Variants in CIMIP2C observed in about 807,000 individuals in gnomAD.
CIMIP2C encodes the protein ciliary microtubule inner protein 2C.
At chr2:26,575,915 G>A in the CIMIP2C span, 34 of 1,610,534 alleles carry the variant, frequency 2.1e-5, 1 homozygote, top group Middle Eastern at 3.3e-4. Context: ...CCAGGGCCAC[G>A]TCCCCACTGT....
the CIMIP2C span, chr2:26,578,501 G>C: frequency 4.0e-6 from 1 of 250,518 alleles, no homozygotes; most frequent in East Asian, 1.0e-4. Context: ...TTACAAAAAA[G>C]GGAACGTGAG....
At chr2:26,574,599 C>T in the CIMIP2C span, among the ~76,000 whole-genome samples, 361 of 152,348 alleles carry the variant, frequency 2.4e-3, no homozygotes, top group African/African-American at 8.4e-3. Flanking sequence ...GGACTGGGTT[C>T]ATCTGCACAC....
the CIMIP2C span, among the ~76,000 whole-genome samples, chr2:26,566,735 T>G: frequency 1.3e-5 from 2 of 152,208 alleles, no homozygotes; most frequent in Admixed American, 1.3e-4. Flanking sequence ...TTTTCTTTCC[T>G]TTGAGACAGA....
chr2:26,577,964 G>A, the CIMIP2C span: 5 of 319,648 alleles, frequency 1.6e-5, no homozygotes. Context: ...TAGTCCTAAC[G>A]TGGGCGCCGA....
chr2:26,565,275 C>T, the CIMIP2C span, among the ~76,000 whole-genome samples: 1 of 152,162 alleles, frequency 6.6e-6, no homozygotes, highest in South Asian at 2.1e-4. Flanking sequence ...ATTTTTAGTA[C>T]AGGCGGGGTT....
chr2:26,577,915 A>G, the CIMIP2C span: 342 of 417,338 alleles, frequency 8.2e-4, 1 homozygote, highest in African/African-American at 6.3e-3. Context: ...GAATCTGCGG[A>G]CTGATGCCCC....
the CIMIP2C span, among the ~76,000 whole-genome samples, chr2:26,570,313 A>G: frequency 8.5e-5 from 13 of 152,344 alleles, no homozygotes; most frequent in East Asian, 9.6e-4. Flanking sequence ...GGGATGCTTC[A>G]TGCCAGCATG....
the CIMIP2C span, among the ~76,000 whole-genome samples, chr2:26,574,314 G>C: frequency 1.3e-5 from 2 of 152,206 alleles, no homozygotes; most frequent in Admixed American, 1.3e-4. Flanking sequence ...GAACAGTGAG[G>C]TTGTTATGAC....
At chr2:26,562,800 A>G in the CIMIP2C span, 1 of 896,650 alleles carries the variant, frequency 1.1e-6, no homozygotes, top group Non-Finnish European at 1.8e-6. Flanking sequence ...CGAGGAGCCA[A>G]TTTTCCACCC....
the CIMIP2C span, among the ~76,000 whole-genome samples, chr2:26,571,752 G>T: frequency 6.6e-6 from 1 of 152,112 alleles, no homozygotes; most frequent in African/African-American, 2.4e-5. Flanking sequence ...GATCGGGCGC[G>T]CTCAGGGTGG....
the CIMIP2C span, chr2:26,562,592 C>A: frequency 6.4e-7 from 1 of 1,561,138 alleles, no homozygotes; most frequent in Non-Finnish European, 8.7e-7. Context: ...GCGCCAGGCT[C>A]GCTGTACTCG....
At chr2:26,576,822 C>T in the CIMIP2C span, among the ~76,000 whole-genome samples, 1 of 152,246 alleles carries the variant, frequency 6.6e-6, no homozygotes, top group African/African-American at 2.4e-5. Context: ...GGATGTGGTT[C>T]AGACACATCC....
chr2:26,576,792 C>T, the CIMIP2C span, among the ~76,000 whole-genome samples: 293 of 152,366 alleles, frequency 1.9e-3, 2 homozygotes, highest in Non-Finnish European at 2.6e-3. Context: ...TCCTGCTGTT[C>T]AGGCTGGTAA....
chr2:26,564,916 G>C, the CIMIP2C span, among the ~76,000 whole-genome samples: 1 of 152,156 alleles, frequency 6.6e-6, no homozygotes, highest in Non-Finnish European at 1.5e-5. Flanking sequence ...TGAAGTGCTG[G>C]GCTGGAGCCA....
chr2:26,577,491 C>G, the CIMIP2C span: 1 of 1,600,566 alleles, frequency 6.2e-7, no homozygotes, highest in Non-Finnish European at 8.6e-7. Flanking sequence ...AACAACCTGT[C>G]ATCTCTTCCT....
chr2:26,572,471 G>A, the CIMIP2C span, among the ~76,000 whole-genome samples: 38 of 152,164 alleles, frequency 2.5e-4, no homozygotes, highest in Non-Finnish European at 3.2e-4. Flanking sequence ...GGAAAGGGTG[G>A]CTTTGTACCC....
the CIMIP2C span, among the ~76,000 whole-genome samples, chr2:26,573,033 A>G: frequency 6.6e-6 from 1 of 152,238 alleles, no homozygotes; most frequent in Non-Finnish European, 1.5e-5. Flanking sequence ...TTTTTTCCCA[A>G]ACAAGTTTCT....
chr2:26,576,658 C>G, the CIMIP2C span, among the ~76,000 whole-genome samples: 1 of 152,220 alleles, frequency 6.6e-6, no homozygotes, highest in African/African-American at 2.4e-5. Context: ...GCCTGCTCAC[C>G]CCTCCCTGCC....
the CIMIP2C span, among the ~76,000 whole-genome samples, chr2:26,576,413 C>T: frequency 6.6e-6 from 1 of 152,234 alleles, no homozygotes; most frequent in African/African-American, 2.4e-5. Flanking sequence ...GGACCCCCAA[C>T]TCCTGCTCAC....
Sources: allele counts gnomAD v4.1 joint callset (sites outside exome capture counted in the v4.1 genomes callset), GRCh38; gene constraint gnomAD v4.1.1; transcripts MANE v1.5; gene names NCBI Gene and HGNC (gene_info 2026-07-23, HGNC 2026-07-21).